Variants in EGFL6 observed in about 807,000 individuals in gnomAD.
EGFL6 encodes the protein EGF like domain multiple 6.
In EGFL6, 42 loss-of-function variants were observed where a neutral mutation model predicts 43.1. The observed-to-expected ratio is 0.98, with a 90% CI of 0.76 to 1.26. The LOEUF (loss-of-function observed/expected upper bound fraction) is 1.26. Ranked by LOEUF, EGFL6 falls within the 50% of genes most tolerant of loss-of-function variation. EGFL6 has a pLI of 0.00. For synonymous variants in EGFL6, 164 were observed against 163.2 expected (o/e 1.01, Z -0.04); for missense variants, 429 against 427.8 (o/e 1.00, Z -0.02).
chrX:13,598,089 A>C (rs1391713508), intron 3 of EGFL6, among the ~76,000 whole-genome samples: 1 of 112,046 alleles, frequency 8.9e-6, no homozygotes, highest in African/African-American at 3.2e-5. Context: ...CTCAGCCCTC[A>C]ACTCATGTCT....
At chrX:13,580,125 C>T (rs1471216871) in intron 1 of EGFL6, among the ~76,000 whole-genome samples, 1 of 111,500 alleles carries the variant, frequency 9.0e-6, no homozygotes, top group African/African-American at 3.3e-5. Context: ...ATTTTAAAAC[C>T]GTCACAGCAT....
At chrX:13,571,579 C>T (rs1314286434) in intron 1 of EGFL6, among the ~76,000 whole-genome samples, 2 of 111,792 alleles carry the variant, frequency 1.8e-5, no homozygotes, top group Non-Finnish European at 3.8e-5. Context: ...AAACTGACCT[C>T]CAGGAGCTTC....
At chrX:13,584,878 T>G (rs931771867) in intron 1 of EGFL6, among the ~76,000 whole-genome samples, 7 of 111,687 alleles carry the variant, frequency 6.3e-5, no homozygotes, top group African/African-American at 2.3e-4. Flanking sequence ...TTGGTCCCAC[T>G]TTGATGCCAT....
At chrX:13,604,571 G>A (rs892753752) in intron 5 of EGFL6, among the ~76,000 whole-genome samples, 7 of 111,828 alleles carry the variant, frequency 6.3e-5, no homozygotes, top group African/African-American at 2.3e-4. Flanking sequence ...TATGGATGGA[G>A]CACCCACAGG....
intron 9 of EGFL6, among the ~76,000 whole-genome samples, chrX:13,621,853 A>T (rs919646232): frequency 8.9e-6 from 1 of 112,674 alleles, no homozygotes. Flanking sequence ...AGCACTTTCC[A>T]AACCATGAAG....
chrX:13,605,409 C>CA (rs367909741), intron 5 of EGFL6, among the ~76,000 whole-genome samples: 409 of 102,106 alleles, frequency 4.0e-3, no homozygotes, highest in African/African-American at 5.8e-3. Context: ...CCCATTTCTA[C>CA]AAAAAAAAAA....
chrX:13,582,677 T>G (rs1476288021), intron 1 of EGFL6, among the ~76,000 whole-genome samples: 5 of 111,436 alleles, frequency 4.5e-5, no homozygotes, highest in African/African-American at 1.6e-4. Flanking sequence ...AGCAGGCATG[T>G]GAAAGCAATA....
intron 1 of EGFL6, among the ~76,000 whole-genome samples, chrX:13,578,908 A>G (rs1009572785): frequency 3.4e-4 from 38 of 111,680 alleles, no homozygotes; most frequent in African/African-American, 1.2e-3. Flanking sequence ...CATGTACCCT[A>G]AAACTTAAAG....
rs368995659 is a variant in EGFL6, at chrX:13,627,061, A to G, written c.1336A>G (p.Ile446Val). 10 of 1,210,708 alleles carry G rather than the reference A, an allele frequency of 8.3e-6. No individual in the cohort carries two copies. The highest frequency in any genetic ancestry group is 1.7e-5 in the African/African-American group (1 of 57,358). Residue 446 changes from isoleucine to valine, a missense_variant, in exon 11 of 12, where the codon ATT (isoleucine) becomes GTT (valine). Coordinates refer to ENST00000361306, the MANE Select transcript of EGFL6 (RefSeq NM_015507.4). ...GGCCTTGGCAGGTCACAAGAAAGAC[A>G]TTGGCCGATTGAAACTTCTCCTACC... ...VPALAGHKKD[I>V]GRLKLLLPDL... is the part of the protein sequence containing the mutation.
At chrX:13,589,004 A>G (rs1217522560) in intron 1 of EGFL6, among the ~76,000 whole-genome samples, 1 of 112,136 alleles carries the variant, frequency 8.9e-6, no homozygotes, top group Non-Finnish European at 1.9e-5. Context: ...CTGGGCTAGA[A>G]TTCCCAACAC....
chrX:13,576,586 T>C (rs1445830617), intron 1 of EGFL6, among the ~76,000 whole-genome samples: 1 of 111,851 alleles, frequency 8.9e-6, no homozygotes, highest in African/African-American at 3.3e-5. Context: ...GGAACTTAGT[T>C]CCATGGCCAC....
chrX:13,606,280 G>T, intron 5 of EGFL6, 99 bp from the exon 6 acceptor site: 1 of 956,006 alleles, frequency 1.0e-6, no homozygotes, highest in Non-Finnish European at 1.5e-6. Flanking sequence ...ACTATTATCA[G>T]TTTCCCAGAT....
chrX:13,584,631 C>T (rs1362919446), intron 1 of EGFL6, among the ~76,000 whole-genome samples: 2 of 111,888 alleles, frequency 1.8e-5, no homozygotes, highest in African/African-American at 6.5e-5. Context: ...CGTGTTCCTC[C>T]ACCCATATTC....
At position 13,626,991 on chromosome X, in the gene EGFL6, T is replaced by A; in HGVS notation, c.1286-20T>A. ...TTACAATTGCCTCATTAATTGTGCA[T>A]TTTTTCCCTTCTCTTAAAGCTATTG... On this transcript the variant is annotated intron_variant, in intron 10 of 11. Transcript: ENST00000361306. 8.3e-7 allele frequency: 1 copy of A among 1,202,287 alleles called. No individual in the cohort carries two copies.
intron 6 of EGFL6, among the ~76,000 whole-genome samples, chrX:13,607,822 C>G (rs111679069): frequency 1.3e-4 from 15 of 112,203 alleles, no homozygotes; most frequent in African/African-American, 4.9e-4. Flanking sequence ...TTGGGTGAAA[C>G]TTGGCAAATT....
At chrX:13,596,622 T>C in intron 3 of EGFL6, 1 of 111,641 alleles carries the variant, frequency 9.0e-6, no homozygotes, top group Non-Finnish European at 1.9e-5. Context: ...GCATCCATGA[T>C]CTCCTGGCCT....
intron 2 of EGFL6, 131 bp downstream of exon 2, chrX:13,589,799 G>T: frequency 2.2e-6 from 1 of 450,549 alleles, no homozygotes; most frequent in Non-Finnish European, 3.6e-6. Flanking sequence ...CAATAACCAA[G>T]GTCTGGGTTC....
Position 13,598,221 on chromosome X carries a change from T to C in EGFL6, c.281-1754T>C, listed in dbSNP as rs1040329883. Reference sequence around the variant, plus strand: ...TTTTCAATTTCCCCATTTGAAGAGGTTAGGTTCTATGAGGGAGATGGTAGG... The same window carrying C: ...TTTTCAATTTCCCCATTTGAAGAGGCTAGGTTCTATGAGGGAGATGGTAGG... On this transcript the variant is annotated intron_variant, in intron 3 of 11. Coordinates refer to ENST00000361306, the MANE Select transcript of EGFL6 (RefSeq NM_015507.4). 2.7e-5 allele frequency among the ~76,000 whole-genome samples: 3 copies of C among 112,025 alleles called. No homozygotes were observed. In the East Asian group the frequency reaches 8.3e-4, roughly 31 times the overall value.
chrX:13,599,920 T>C lies in EGFL6; in HGVS notation c.281-55T>C, dbSNP rs979068191. Reference sequence around the variant, plus strand: ...CAAGACTGGGGTCTAATATTCCCCATCTGGAAGTTTCCTGATTCAGTTCAC... The same window carrying C: ...CAAGACTGGGGTCTAATATTCCCCACCTGGAAGTTTCCTGATTCAGTTCAC... On this transcript the variant is annotated intron_variant, in intron 3 of 11. Coordinates refer to ENST00000361306, the MANE Select transcript of EGFL6 (RefSeq NM_015507.4). 5 of 1,183,658 alleles carry C rather than the reference T, an allele frequency of 4.2e-6. No individual in the cohort carries two copies. In the African/African-American group the frequency reaches 7.1e-5, roughly 17 times the overall value.
Sources: gnomAD v4.1 joint callset for allele counts (sites outside exome capture counted in the v4.1 genomes callset) on GRCh38, gnomAD v4.1.1 for gene constraint, MANE v1.5 for transcripts, NCBI Gene and HGNC (gene_info 2026-07-23, HGNC 2026-07-21) for gene names.